Variants in NFAT5 observed in about 807,000 individuals in gnomAD.
NFAT5 encodes the protein nuclear factor of activated T-cells 5.
In NFAT5, 31 loss-of-function variants were observed where a neutral mutation model predicts 166.5. The observed-to-expected ratio is 0.19, with a 90% CI of 0.14 to 0.25. The LOEUF is 0.25. Among genes scored for constraint, NFAT5 ranks in the 10% least tolerant of loss-of-function variants. The pLI, the probability that NFAT5 is intolerant of heterozygous loss-of-function variation, is 1.00. For synonymous variants in NFAT5, 612 were observed against 639.7 expected (o/e 0.96, Z 0.65); for missense variants, 1,449 against 1,821.8 (o/e 0.80, Z 3.72).
chr16:69,625,278 A>T lies in NFAT5; in HGVS notation c.128-1125A>T, dbSNP rs963685687. ...GATATTTTGGGAATTATTTCTGTTA[A>T]AAACCTATACAATAAAGGATATTTT... On this transcript the variant is annotated intron_variant, in intron 2 of 14. Coordinates refer to ENST00000349945, the MANE Select transcript of NFAT5 (RefSeq NM_138713.4). Among the ~76,000 whole-genome samples the T allele has an allele frequency of 3.3e-5, 5 of 152,194 alleles. No homozygotes were observed. In the East Asian group the frequency reaches 9.6e-4, roughly 29 times the overall value.
chr16:69,647,202 C>T lies in NFAT5; in HGVS notation c.428C>T (p.Thr143Ile), dbSNP rs377380596. The change falls in exon 4 of 15, where the codon ACC becomes ATC. Residue 143 changes from threonine to isoleucine, a missense_variant. Transcript: ENST00000349945. This position sits in a 1 kb window ranked among gnomAD's most constrained non-coding sequence, Gnocchi z 4.8. ...SNRGVSEKQL[T>I]SNTVQQHPST... ...AGAGGGGTAAGTGAAAAGCAGTTAACCAGTAACACAGTTCAGCAGCATCCA... is the reference window on the plus strand; with the variant it reads ...AGAGGGGTAAGTGAAAAGCAGTTAATCAGTAACACAGTTCAGCAGCATCCA... 1.2e-6 allele frequency: 2 copies of T among 1,614,074 alleles called. No individual in the cohort carries two copies. The highest frequency in any genetic ancestry group is 1.7e-6 in the Non-Finnish European group (2 of 1,179,952).
intron 2 of NFAT5, among the ~76,000 whole-genome samples, chr16:69,624,889 A>G (rs1449782154): frequency 6.8e-6 from 1 of 147,432 alleles, no homozygotes; most frequent in Admixed American, 6.8e-5. Flanking sequence ...TATGCCTCTA[A>G]TTGTTCTTTT....
intron 2 of NFAT5, among the ~76,000 whole-genome samples, chr16:69,581,738 A>G (rs890636953): frequency 2.0e-5 from 3 of 152,182 alleles, no homozygotes; most frequent in Admixed American, 1.3e-4. Flanking sequence ...GTATTAATAT[A>G]TCTTTGGAGA....
Position 69,692,507 on chromosome 16 carries a change from A to G in NFAT5, c.2682A>G (p.Leu894=), listed in dbSNP as rs1433012995. 4 of 1,614,086 alleles carry G rather than the reference A, an allele frequency of 2.5e-6. No homozygotes were observed. The African/African-American group carries it at 4.0e-5, about 16-fold the overall frequency. Residue 894 remains leucine (L), a synonymous_variant, in exon 13 of 15, where the codon TTA becomes TTG. Coordinates refer to ENST00000349945, the MANE Select transcript of NFAT5 (RefSeq NM_138713.4). The part of the protein sequence containing the change: ...ESVHPQSENT[L]SNQQQQQQQQ... ...TTCATCCACAGTCTGAAAACACGTT[A>G]TCTAATCAACAGCAGCAGCAGCAGC... is the stretch of plus-strand genomic sequence containing the variant.
At chr16:69,623,991 T>G (rs1443944647) in intron 2 of NFAT5, among the ~76,000 whole-genome samples, 2 of 151,990 alleles carry the variant, frequency 1.3e-5, no homozygotes, top group African/African-American at 4.8e-5. Flanking sequence ...CCTCAGGTGA[T>G]CCACCCGCCT....
chr16:69,568,799 G>A (rs2016266329), intron 2 of NFAT5, among the ~76,000 whole-genome samples: 2 of 152,028 alleles, frequency 1.3e-5, no homozygotes, highest in South Asian at 4.1e-4. Flanking sequence ...TGTGTTGAGT[G>A]TTCTACTTTA....
rs756273929 is a variant in NFAT5, at chr16:69,647,459, G to T, written c.685G>T (p.Gly229Trp). ...AAAACGAAATCCAAAGCAGAGGCCG[G>T]GGGTCAAACGACGAGATTGTGAAGA... is the stretch of plus-strand genomic sequence containing the variant. The part of the protein sequence containing the change: ...SRKRNPKQRP[G>W]VKRRDCEESN... Residue 229 changes from glycine (G) to tryptophan (W), a missense_variant, in exon 4 of 15, where the codon GGG (glycine) becomes TGG (tryptophan). Gly to Trp is a radical substitution (Grantham distance 184). Around this residue, in one of 7 missense-constraint regions of NFAT5, gnomAD observed 115 missense variants for 177.1 expected, o/e 0.65. Coordinates refer to ENST00000349945, the MANE Select transcript of NFAT5 (RefSeq NM_138713.4). The surrounding 1 kb of genome is among the most constrained non-coding windows in gnomAD (Gnocchi z 4.8). 1 of 1,613,978 alleles carries T rather than the reference G, an allele frequency of 6.2e-7. No individual in the cohort carries two copies. Among genetic ancestry groups the T allele is most frequent in the South Asian group, 1.1e-5 (1 of 91,066 alleles).
chr16:69,688,210 A>AAAAAAAAAAAAAAAG (rs2037397972), intron 11 of NFAT5, among the ~76,000 whole-genome samples: 1 of 124,274 alleles, frequency 8.0e-6, no homozygotes, highest in African/African-American at 3.9e-5. Flanking sequence ...CTCAAAAAAA[A>AAAAAAAAAAAAAAAG]AAAAAAAAAA....
intron 7 of NFAT5, among the ~76,000 whole-genome samples, chr16:69,664,058 C>G (rs1227658585): frequency 2.6e-5 from 4 of 152,084 alleles, no homozygotes. Context: ...TTCTACCTAT[C>G]CCACAGCTAT....
chr16:69,608,926 C>A (rs1216448140), intron 2 of NFAT5, among the ~76,000 whole-genome samples: 4 of 151,798 alleles, frequency 2.6e-5, no homozygotes, highest in Admixed American at 2.6e-4. Flanking sequence ...TCGAGACCAT[C>A]CTGGCTAACA....
chr16:69,642,476 C>T (rs1438068467), intron 3 of NFAT5, among the ~76,000 whole-genome samples: 1 of 151,888 alleles, frequency 6.6e-6, no homozygotes, highest in Non-Finnish European at 1.5e-5. Flanking sequence ...ATTAATTTTT[C>T]CTTTAGTTTG....
chr16:69,671,496 G>A (rs1188449931), intron 9 of NFAT5, among the ~76,000 whole-genome samples: 1 of 152,182 alleles, frequency 6.6e-6, no homozygotes, highest in Non-Finnish European at 1.5e-5. Flanking sequence ...TCAGCCTCCT[G>A]AGTAACTGGG....
In NFAT5 at chr16:69,693,392, G is replaced by A. The variant is rs1200158986; in HGVS notation, c.3567G>A (p.Gln1189=). The change falls in exon 13 of 15, where the codon CAG becomes CAA. Residue 1189 remains glutamine, a synonymous_variant. Transcript: ENST00000349945. The stretch of plus-strand genomic sequence containing the variant: ...CACCGAACTCAATTTCTCCACTTCA[G>A]TCAACATCAAACAGTGAACAACAAG... ...FAAPNSISPL[Q]STSNSEQQAA... 3 of 1,614,176 alleles carry A rather than the reference G, an allele frequency of 1.9e-6. No individual in the cohort carries two copies. Among genetic ancestry groups the A allele is most frequent in the Non-Finnish European group, 2.5e-6 (3 of 1,180,032 alleles).
intron 2 of NFAT5, among the ~76,000 whole-genome samples, chr16:69,601,116 T>C (rs1296917520): frequency 1.3e-5 from 2 of 152,130 alleles, no homozygotes; most frequent in Admixed American, 6.6e-5. Context: ...CACACACCCT[T>C]AAGCACTTAA....
chr16:69,602,128 T>C (rs1020012162), intron 2 of NFAT5, among the ~76,000 whole-genome samples: 4 of 152,208 alleles, frequency 2.6e-5, no homozygotes, highest in African/African-American at 9.6e-5. Context: ...TAAGGCTTTT[T>C]TTTTCATTGG....
intron 2 of NFAT5, among the ~76,000 whole-genome samples, chr16:69,624,259 G>A (rs1397080588): frequency 6.6e-6 from 1 of 152,084 alleles, no homozygotes; most frequent in Non-Finnish European, 1.5e-5. Context: ...AGGCTGGAGT[G>A]CAATGGCGTG....
At chr16:69,662,461 T>C (rs2151652315) in intron 7 of NFAT5, among the ~76,000 whole-genome samples, 1 of 144,178 alleles carries the variant, frequency 6.9e-6, no homozygotes, top group Non-Finnish European at 1.5e-5. Context: ...TTTTTTTTTT[T>C]TTTTTTTTTT....
At chr16:69,628,959 A>G (rs1401182224) in intron 3 of NFAT5, among the ~76,000 whole-genome samples, 1 of 152,206 alleles carries the variant, frequency 6.6e-6, no homozygotes, top group African/African-American at 2.4e-5. Flanking sequence ...CTGTAATCCC[A>G]GCTACTCTGG....
chr16:69,594,897 T>A (rs2032700586), intron 2 of NFAT5, among the ~76,000 whole-genome samples: 1 of 152,142 alleles, frequency 6.6e-6, no homozygotes, highest in South Asian at 2.1e-4. Flanking sequence ...GCTGAAGAAC[T>A]TGGAGTCTGA....
Sources: allele counts gnomAD v4.1 joint callset (sites outside exome capture counted in the v4.1 genomes callset), GRCh38; gene constraint gnomAD v4.1.1; regional missense constraint gnomAD v4.1.1; non-coding constraint Gnocchi (gnomAD v3.1); transcripts MANE v1.5; gene names NCBI Gene and HGNC (gene_info 2026-07-23, HGNC 2026-07-21).